The following UBTD1 variants were observed in gnomAD, a reference collection of about 807,000 sequenced individuals.
The protein encoded by UBTD1 is ubiquitin domain-containing protein 1.
In UBTD1, 19 loss-of-function variants were observed where a neutral mutation model predicts 21.7. The ratio of observed to expected loss-of-function variants is 0.87; its 90% CI spans 0.61 to 1.28. UBTD1 has a LOEUF of 1.28. UBTD1 is among the 50% of genes most tolerant of loss of function. The pLI is 0.00. For missense variants in UBTD1, 282 were observed against 315.1 expected, an observed-to-expected ratio of 0.89 and a Z score of 0.80; for synonymous variants, 116 against 135.1, an observed-to-expected ratio of 0.86 and a Z score of 0.98.
intron 1 of UBTD1, among the ~76,000 whole-genome samples, chr10:97,508,827 G>A (rs568102952): frequency 6.6e-6 from 1 of 152,290 alleles, no homozygotes; most frequent in South Asian, 2.1e-4. Flanking sequence ...CGGTGTGCTA[G>A]AGGCAATAGA....
intron 1 of UBTD1, among the ~76,000 whole-genome samples, chr10:97,553,168 G>C (rs1325570965): frequency 6.6e-6 from 1 of 152,198 alleles, no homozygotes; most frequent in Non-Finnish European, 1.5e-5. Context: ...TTTCACTCTT[G>C]TTGCCCAGGC....
At chr10:97,560,303 T>A (rs1240161521) in intron 1 of UBTD1, among the ~76,000 whole-genome samples, 1 of 152,236 alleles carries the variant, frequency 6.6e-6, no homozygotes, top group Non-Finnish European at 1.5e-5. Flanking sequence ...GATTAGAAGT[T>A]ACCATAATAC....
At chr10:97,528,214 G>A (rs1166154556) in intron 1 of UBTD1, among the ~76,000 whole-genome samples, 694 of 80,384 alleles carry the variant, frequency 8.6e-3, no homozygotes, top group Non-Finnish European at 0.011. Flanking sequence ...GCGGCTGGCC[G>A]GGCAGAGGGG....
At chr10:97,515,855 T>C (rs937081519) in intron 1 of UBTD1, among the ~76,000 whole-genome samples, 1 of 152,168 alleles carries the variant, frequency 6.6e-6, no homozygotes, top group Non-Finnish European at 1.5e-5. Flanking sequence ...TCACACGTGA[T>C]GAAACAGGTC....
At chr10:97,524,366 G>A (rs781197044) in intron 1 of UBTD1, among the ~76,000 whole-genome samples, 3 of 152,112 alleles carry the variant, frequency 2.0e-5, no homozygotes, top group Non-Finnish European at 4.4e-5. Flanking sequence ...CTCCTAAAGT[G>A]CTGGGATTAC....
At chr10:97,535,417 C>T (rs546883182) in intron 1 of UBTD1, among the ~76,000 whole-genome samples, 1 of 152,096 alleles carries the variant, frequency 6.6e-6, no homozygotes, top group Non-Finnish European at 1.5e-5. Context: ...AAATTGAGAC[C>T]ATCCTGGCTA....
intron 1 of UBTD1, among the ~76,000 whole-genome samples, chr10:97,530,660 G>A (rs1190757667): frequency 1.3e-5 from 2 of 152,092 alleles, no homozygotes; most frequent in Non-Finnish European, 2.9e-5. Context: ...CACTGGTCCA[G>A]CAGCTGGTTT....
chr10:97,564,018 C>T (rs927388541), intron 1 of UBTD1, among the ~76,000 whole-genome samples: 1 of 152,042 alleles, frequency 6.6e-6, no homozygotes, highest in East Asian at 1.9e-4. Flanking sequence ...ACGGTGAACC[C>T]AATGGGGAGG....
intron 1 of UBTD1, among the ~76,000 whole-genome samples, chr10:97,542,110 C>T (rs949644808): frequency 8.5e-5 from 13 of 152,290 alleles, no homozygotes; most frequent in Admixed American, 2.6e-4. Flanking sequence ...CTCCGCCCCT[C>T]GCTAATAAGT....
At chr10:97,512,753 T>G (rs1190452921) in intron 1 of UBTD1, among the ~76,000 whole-genome samples, 1 of 152,224 alleles carries the variant, frequency 6.6e-6, no homozygotes, top group Non-Finnish European at 1.5e-5. Context: ...AAGCAGTTTT[T>G]CTGCAGCCCT....
At chr10:97,541,626 T>C (rs995575858) in intron 1 of UBTD1, among the ~76,000 whole-genome samples, 8 of 152,146 alleles carry the variant, frequency 5.3e-5, no homozygotes, top group African/African-American at 1.9e-4. Flanking sequence ...TAGGATATTA[T>C]TGCTCCCATT....
chr10:97,554,467 G>A (rs1359466356), intron 1 of UBTD1, among the ~76,000 whole-genome samples: 4 of 151,858 alleles, frequency 2.6e-5, no homozygotes, highest in Admixed American at 1.3e-4. Context: ...GGCTGGTCTC[G>A]AACTCCTGGA....
intron 1 of UBTD1, among the ~76,000 whole-genome samples, chr10:97,501,178 A>AC (rs1351447709): frequency 6.6e-6 from 1 of 152,146 alleles, no homozygotes; most frequent in Non-Finnish European, 1.5e-5. Flanking sequence ...GAAGTGAGGT[A>AC]CCCCCCAAAG....
chr10:97,524,286 CG>C (rs557177983), intron 1 of UBTD1, among the ~76,000 whole-genome samples: 1 of 106,394 alleles, frequency 9.4e-6, no homozygotes, highest in African/African-American at 3.2e-5. Flanking sequence ...TGTAGGGATG[CG>C]GGGGGGTCTC....
At chr10:97,544,682 A>G (rs1375865241) in intron 1 of UBTD1, among the ~76,000 whole-genome samples, 1 of 151,606 alleles carries the variant, frequency 6.6e-6, no homozygotes, top group African/African-American at 2.4e-5. Context: ...TAAGCTAGAG[A>G]AAAAAAAATG....
At chr10:97,535,978 A>ATTATTATTATTGTTG (rs200019590) in intron 1 of UBTD1, among the ~76,000 whole-genome samples, 5 of 145,556 alleles carry the variant, frequency 3.4e-5, no homozygotes, top group Admixed American at 2.8e-4. Flanking sequence ...AATTATTATT[A>ATTATTATTATTGTTG]TTATTATTAT....
chr10:97,561,172 G>T (rs886351205), intron 1 of UBTD1, among the ~76,000 whole-genome samples: 1 of 152,108 alleles, frequency 6.6e-6, no homozygotes, highest in Admixed American at 6.5e-5. Flanking sequence ...GTTCCACCGG[G>T]TCAATTTCCT....
chr10:97,514,173 C>A (rs897356597), intron 1 of UBTD1, among the ~76,000 whole-genome samples: 1 of 152,036 alleles, frequency 6.6e-6, no homozygotes, highest in African/African-American at 2.4e-5. Context: ...AAGAGACACT[C>A]AACATCTGTG....
chr10:97,552,200 A>T (rs542638216), intron 1 of UBTD1, among the ~76,000 whole-genome samples: 12 of 124,476 alleles, frequency 9.6e-5, no homozygotes, highest in African/African-American at 3.4e-4. Context: ...CCCCATCTCT[A>T]AAAAAAAAAA....
Sources: allele counts gnomAD v4.1 joint callset (sites outside exome capture counted in the v4.1 genomes callset), GRCh38; gene constraint gnomAD v4.1.1; transcripts MANE v1.5; gene names NCBI Gene and HGNC (gene_info 2026-07-23, HGNC 2026-07-21).